Variants in GUCY1A2 observed in about 807,000 individuals in gnomAD.
GUCY1A2 encodes guanylate cyclase 1 soluble subunit alpha 2.
A neutral mutation model predicts 63.5 loss-of-function variants in GUCY1A2; 27 were observed. That is an observed-to-expected ratio of 0.43 (90% confidence interval 0.31 to 0.59). The LOEUF (loss-of-function observed/expected upper bound fraction) is 0.59. Among genes scored for constraint, GUCY1A2 ranks in the 20% least tolerant of loss-of-function variants. The pLI, the probability that GUCY1A2 is intolerant of heterozygous loss-of-function variation, is 0.11. For synonymous variants in GUCY1A2, 364 were observed against 343.5 expected, an observed-to-expected ratio of 1.06 and a Z score of -0.66; for missense variants, 768 against 913.3, an observed-to-expected ratio of 0.84 and a Z score of 2.05.
intron 3 of GUCY1A2, among the ~76,000 whole-genome samples, chr11:106,968,846 T>C (rs12292574): frequency 0.13 from 1,250 of 9,358 alleles, 12 homozygotes; most frequent in African/African-American, 0.31. Flanking sequence ...TTTGTGGAAA[T>C]ATAGGAAAAA....
chr11:106,987,844 G>T (rs1305037992), intron 1 of GUCY1A2, among the ~76,000 whole-genome samples: 1 of 152,068 alleles, frequency 6.6e-6, no homozygotes, highest in African/African-American at 2.4e-5. Context: ...TGAATCAAGG[G>T]CATCTACTGA....
At chr11:106,718,333 T>C (rs1489890324) in intron 6 of GUCY1A2, among the ~76,000 whole-genome samples, 1 of 152,106 alleles carries the variant, frequency 6.6e-6, no homozygotes, top group African/African-American at 2.4e-5. Flanking sequence ...AAAGTGGGTT[T>C]GTAATCTTGT....
Position 106,754,690 on chromosome 11 carries a change from A to T in GUCY1A2, c.1836+21749T>A, listed in dbSNP as rs537575458. On this transcript the variant is annotated intron_variant, in intron 6 of 7. Coordinates refer to ENST00000526355, the MANE Select transcript of GUCY1A2 (RefSeq NM_000855.3). The stretch of plus-strand genomic sequence containing the variant: ...TTGCATATGTTGAACCAGCCTTGCA[A>T]CCCAGGGATGAAGCTGACTTGATCA... Among the ~76,000 whole-genome samples the T allele has an allele frequency of 9.9e-5, 15 of 152,162 alleles. No homozygotes were observed. The East Asian group carries it at 2.3e-3, about 24-fold the overall frequency.
At chr11:106,950,943 C>T (rs1860899133) in intron 3 of GUCY1A2, among the ~76,000 whole-genome samples, 1 of 152,116 alleles carries the variant, frequency 6.6e-6, no homozygotes, top group African/African-American at 2.4e-5. Flanking sequence ...TCTCTGTGAC[C>T]ATGTGTTCTC....
chr11:106,939,590 T>C lies in GUCY1A2; in HGVS notation c.1076A>G (p.Lys359Arg), dbSNP rs201939551. The C allele has an allele frequency of 2.4e-4, 383 of 1,613,764 alleles. No homozygotes were observed. Among genetic ancestry groups the C allele is most frequent in the Non-Finnish European group, 3.1e-4 (365 of 1,179,798 alleles). Residue 359 changes from lysine (K) to arginine (R), a missense_variant, in exon 4 of 8, where the codon AAG (lysine) becomes AGG (arginine). Lys to Arg is a conservative substitution (Grantham distance 26, BLOSUM62 2). Around this residue, in one of 3 missense-constraint regions of GUCY1A2, gnomAD observed 496 missense variants for 486.9 expected, o/e 1.02. Transcript: ENST00000526355. ...TACAATCTCGAAGCAGTCCTCAAAC[T>C]TGAGCACTTTGTGAGTGTCACATCG... ...QLRCDTHKVL[K>R]FEDCFEIVSP...
intron 4 of GUCY1A2, among the ~76,000 whole-genome samples, chr11:106,864,895 T>A (rs1050738312): frequency 6.6e-6 from 1 of 152,140 alleles, no homozygotes; most frequent in Non-Finnish European, 1.5e-5. Context: ...GTTGTGTCTC[T>A]GCCAGGTTTT....
intron 4 of GUCY1A2, among the ~76,000 whole-genome samples, chr11:106,822,999 C>T (rs1858922806): frequency 6.6e-6 from 1 of 151,972 alleles, no homozygotes; most frequent in Non-Finnish European, 1.5e-5. Flanking sequence ...GTTTGGACTG[C>T]TACACCCTGT....
chr11:106,907,274 C>T (rs1273118561), intron 4 of GUCY1A2, among the ~76,000 whole-genome samples: 2 of 151,978 alleles, frequency 1.3e-5, no homozygotes, highest in African/African-American at 2.4e-5. Flanking sequence ...GTGCCTGAAT[C>T]CTTTTTTTGC....
At chr11:107,013,235 T>C (rs1320223902) in intron 1 of GUCY1A2, among the ~76,000 whole-genome samples, 2 of 152,162 alleles carry the variant, frequency 1.3e-5, no homozygotes, top group African/African-American at 4.8e-5. Flanking sequence ...CTAAAGCTTC[T>C]GAGGTCTTCA....
chr11:106,732,572 G>C (rs1387580236), intron 6 of GUCY1A2, among the ~76,000 whole-genome samples: 1 of 152,120 alleles, frequency 6.6e-6, no homozygotes, highest in Non-Finnish European at 1.5e-5. Flanking sequence ...AATGCATTTA[G>C]ATGGTGGTAA....
intron 4 of GUCY1A2, among the ~76,000 whole-genome samples, chr11:106,913,122 AAGAT>A (rs199784802): frequency 0.16 from 9,292 of 56,580 alleles, 402 homozygotes; most frequent in Non-Finnish European, 0.21. Flanking sequence ...TTTTTTTCAA[AAGAT>A]ATATATATAT....
At chr11:106,785,635 G>A (rs749433498) in intron 5 of GUCY1A2, among the ~76,000 whole-genome samples, 1 of 151,994 alleles carries the variant, frequency 6.6e-6, no homozygotes, top group Non-Finnish European at 1.5e-5. Context: ...GGGGTCAGAA[G>A]TGGCCCTTAA....
At position 106,914,849 on chromosome 11, in the gene GUCY1A2, T is replaced by C. The variant is rs561839895; in HGVS notation, c.1206+24611A>G. Among the ~76,000 whole-genome samples the C allele has an allele frequency of 2.0e-4, 31 of 152,140 alleles. 1 individual carries two copies. In the South Asian group the frequency reaches 3.9e-3, roughly 19 times the overall value. Reference sequence around the variant, plus strand: ...TTTCAGCTCTAACATGTGAAGACCTTGTAAGTTGTCACTCCATCTTCCAAC... The same window carrying C: ...TTTCAGCTCTAACATGTGAAGACCTCGTAAGTTGTCACTCCATCTTCCAAC... On this transcript the variant is annotated intron_variant, in intron 4 of 7. Transcript: ENST00000526355.
At chr11:106,735,540 G>A (rs1435347027) in intron 6 of GUCY1A2, among the ~76,000 whole-genome samples, 1 of 152,030 alleles carries the variant, frequency 6.6e-6, no homozygotes, top group Non-Finnish European at 1.5e-5. Flanking sequence ...TAATTTGTCT[G>A]TGGACAGGTT....
intron 5 of GUCY1A2, among the ~76,000 whole-genome samples, chr11:106,779,825 G>C (rs1301329068): frequency 1.3e-5 from 2 of 152,152 alleles, no homozygotes; most frequent in East Asian, 3.8e-4. Flanking sequence ...GAATGAAGTA[G>C]AAAATAAATG....
chr11:106,935,780 G>A (rs1860667519), intron 4 of GUCY1A2, among the ~76,000 whole-genome samples: 1 of 151,304 alleles, frequency 6.6e-6, no homozygotes, highest in Non-Finnish European at 1.5e-5. Flanking sequence ...TAGGGAGGTG[G>A]AGGTTGCGGT....
intron 6 of GUCY1A2, among the ~76,000 whole-genome samples, chr11:106,723,140 C>T (rs1319145598): frequency 1.3e-5 from 2 of 152,114 alleles, no homozygotes; most frequent in African/African-American, 4.8e-5. Context: ...GACTGTGCCC[C>T]AACACTTCTC....
chr11:106,793,531 CA>C (rs199708410), intron 5 of GUCY1A2, among the ~76,000 whole-genome samples: 2 of 148,174 alleles, frequency 1.3e-5, no homozygotes, highest in African/African-American at 2.5e-5. Context: ...TTCTGCATAG[CA>C]AAAAAAAAGC....
chr11:106,761,309 T>G lies in GUCY1A2; in HGVS notation c.1836+15130A>C, dbSNP rs562308084. ...AATGTTAGTTATTCACAACCAAATT[T>G]CCTAAGCTACTATATAATTATCCTT... On this transcript the variant is annotated intron_variant, in intron 6 of 7. Coordinates refer to ENST00000526355, the MANE Select transcript of GUCY1A2 (RefSeq NM_000855.3). Among the ~76,000 whole-genome samples the G allele has an allele frequency of 9.2e-5, 14 of 152,296 alleles. No individual in the cohort carries two copies. The South Asian group carries it at 2.7e-3, about 29-fold the overall frequency.
Sources: allele counts gnomAD v4.1 joint callset (sites outside exome capture counted in the v4.1 genomes callset), GRCh38; gene constraint gnomAD v4.1.1; regional missense constraint gnomAD v4.1.1; transcripts MANE v1.5; gene names NCBI Gene and HGNC (gene_info 2026-07-23, HGNC 2026-07-21).